The following PXDNL variants were observed in gnomAD, a reference collection of about 807,000 sequenced individuals.
The protein encoded by PXDNL is probable oxidoreductase PXDNL.
PXDNL carries 145 observed loss-of-function variants against 150.8 expected under a neutral mutation model. The ratio of observed to expected loss-of-function variants is 0.96; its 90% CI spans 0.84 to 1.10. The LOEUF (loss-of-function observed/expected upper bound fraction) is 1.10, where lower values mean the gene tolerates loss of function less well. Among genes scored for constraint, PXDNL ranks in the 50% least tolerant of loss-of-function variants. PXDNL has a pLI of 0.00. For synonymous variants in PXDNL, 757 were observed against 725.7 expected (o/e 1.04, Z -0.69); for missense variants, 2,087 against 1,873.9 (o/e 1.11, Z -2.10).
chr8:51,756,383 C>A (rs1296367423), intron 1 of PXDNL, among the ~76,000 whole-genome samples: 1 of 146,674 alleles, frequency 6.8e-6, no homozygotes. Flanking sequence ...CACAGTGAGA[C>A]CCCATCACAG....
At chr8:51,352,997 A>G (rs1022562646) in intron 19 of PXDNL, among the ~76,000 whole-genome samples, 2 of 152,186 alleles carry the variant, frequency 1.3e-5, no homozygotes, top group African/African-American at 4.8e-5. Context: ...CCTATTGAGT[A>G]CAATGGTACA....
At chr8:51,401,661 C>T (rs1035929280) in intron 17 of PXDNL, among the ~76,000 whole-genome samples, 1 of 152,124 alleles carries the variant, frequency 6.6e-6, no homozygotes, top group Non-Finnish European at 1.5e-5. Flanking sequence ...GAGATGCCAG[C>T]GAGGAAGAGA....
intron 2 of PXDNL, among the ~76,000 whole-genome samples, chr8:51,596,656 G>A (rs1008917229): frequency 3.3e-5 from 5 of 152,074 alleles, no homozygotes; most frequent in South Asian, 2.1e-4. Context: ...CTGATGATTC[G>A]TGATGATGAG....
chr8:51,793,205 C>T (rs1019076407), intron 1 of PXDNL, among the ~76,000 whole-genome samples: 1 of 152,150 alleles, frequency 6.6e-6, no homozygotes, highest in Non-Finnish European at 1.5e-5. Context: ...GAGTGGACCC[C>T]CAGGAAACCA....
At position 51,423,739 on chromosome 8, in the gene PXDNL, G is replaced by A. The variant is rs745323992; in HGVS notation, c.1639-8C>T. The A allele has an allele frequency of 1.3e-6, 2 of 1,596,110 alleles. No individual in the cohort carries two copies. The highest frequency in any genetic ancestry group is 1.1e-5 in the South Asian group (1 of 87,940). On this transcript the variant is annotated splice_region_variant and splice_polypyrimidine_tract_variant and intron_variant, in intron 13 of 22. Transcript: ENST00000356297. Reference sequence around the variant, plus strand: ...AGTAATCTGCACACCTTCCTAGGGAGCAAAAAAGAGTTGCCACTGAATGAG... The same window carrying A: ...AGTAATCTGCACACCTTCCTAGGGAACAAAAAAGAGTTGCCACTGAATGAG...
At chr8:51,480,208 C>T (rs1236020343) in intron 6 of PXDNL, among the ~76,000 whole-genome samples, 1 of 152,128 alleles carries the variant, frequency 6.6e-6, no homozygotes, top group Non-Finnish European at 1.5e-5. Flanking sequence ...CAAAAGTGGC[C>T]TCTGTATTAG....
At chr8:51,514,041 A>C (rs1227362750) in intron 4 of PXDNL, among the ~76,000 whole-genome samples, 1 of 152,224 alleles carries the variant, frequency 6.6e-6, no homozygotes, top group East Asian at 1.9e-4. Flanking sequence ...TTAGAGGAGG[A>C]CATTCTGCCA....
chr8:51,635,310 A>T (rs1311735123), intron 2 of PXDNL, among the ~76,000 whole-genome samples: 2 of 152,120 alleles, frequency 1.3e-5, no homozygotes, highest in Non-Finnish European at 2.9e-5. Flanking sequence ...CTAACTTTAC[A>T]TCTGAAGGAG....
At position 51,647,423 on chromosome 8, in the gene PXDNL, A is replaced by G. The variant is rs956839429; in HGVS notation, c.236+7266T>C. On this transcript the variant is annotated intron_variant, in intron 2 of 22. Coordinates refer to ENST00000356297, the MANE Select transcript of PXDNL (RefSeq NM_144651.5). ...TAATTGTGCTGCTGAAGCTTCACCT[A>G]TGTGTTCTGGGAGTTCCCCAAAACG... Among the ~76,000 whole-genome samples the G allele has an allele frequency of 2.0e-5, 3 of 152,194 alleles. No homozygotes were observed. The East Asian group carries it at 5.8e-4, about 29-fold the overall frequency.
intron 6 of PXDNL, among the ~76,000 whole-genome samples, chr8:51,477,349 A>T (rs946225677): frequency 2.6e-4 from 39 of 152,248 alleles, no homozygotes; most frequent in African/African-American, 8.4e-4. Context: ...TTCCAACAAG[A>T]CTTCACACTA....
At chr8:51,506,456 G>A (rs879556597) in intron 4 of PXDNL, among the ~76,000 whole-genome samples, 11 of 144,520 alleles carry the variant, frequency 7.6e-5, no homozygotes, top group South Asian at 2.2e-4. Context: ...CAGGAGAATC[G>A]CTTGAACCAG....
At chr8:51,717,007 T>C (rs1816627507) in intron 1 of PXDNL, among the ~76,000 whole-genome samples, 1 of 152,212 alleles carries the variant, frequency 6.6e-6, no homozygotes, top group Non-Finnish European at 1.5e-5. Context: ...GATGAACTAT[T>C]TGCACCATAC....
At chr8:51,545,327 C>A in intron 4 of PXDNL, among the ~76,000 whole-genome samples, 1 of 152,032 alleles carries the variant, frequency 6.6e-6, no homozygotes, top group Non-Finnish European at 1.5e-5. Flanking sequence ...AAAATGTATA[C>A]TTGATTGGTT....
intron 1 of PXDNL, among the ~76,000 whole-genome samples, chr8:51,695,386 T>C (rs1471206846): frequency 1.3e-5 from 2 of 152,130 alleles, no homozygotes; most frequent in African/African-American, 2.4e-5. Context: ...TAGCACAGAA[T>C]TGGCACATAT....
At chr8:51,639,678 C>T (rs1199563591) in intron 2 of PXDNL, among the ~76,000 whole-genome samples, 14 of 152,086 alleles carry the variant, frequency 9.2e-5, no homozygotes, top group Non-Finnish European at 5.9e-5. Context: ...CTGAATAGAC[C>T]AGTAACAGGA....
intron 1 of PXDNL, among the ~76,000 whole-genome samples, chr8:51,789,669 T>A (rs1206015276): frequency 6.6e-6 from 1 of 152,198 alleles, no homozygotes; most frequent in African/African-American, 2.4e-5. Context: ...CATTATCTTC[T>A]ATTTTGCACT....
intron 1 of PXDNL, among the ~76,000 whole-genome samples, chr8:51,728,655 T>G (rs1816864046): frequency 6.6e-6 from 1 of 152,182 alleles, no homozygotes; most frequent in Non-Finnish European, 1.5e-5. Flanking sequence ...AAAATATGTT[T>G]GTACAGCTGT....
intron 19 of PXDNL, among the ~76,000 whole-genome samples, chr8:51,369,788 G>T (rs910280320): frequency 6.6e-6 from 1 of 152,194 alleles, no homozygotes; most frequent in Non-Finnish European, 1.5e-5. Flanking sequence ...CACAGATCTT[G>T]ATAAGAACGC....
At chr8:51,574,708 A>G (rs1813013499) in intron 3 of PXDNL, among the ~76,000 whole-genome samples, 1 of 152,100 alleles carries the variant, frequency 6.6e-6, no homozygotes, top group Admixed American at 6.6e-5. Flanking sequence ...CATAGGTATG[A>G]CAGCAGATTT....
Sources: allele counts gnomAD v4.1 joint callset (sites outside exome capture counted in the v4.1 genomes callset), GRCh38; gene constraint gnomAD v4.1.1; transcripts MANE v1.5; gene names NCBI Gene and HGNC (gene_info 2026-07-23, HGNC 2026-07-21).